FIBCD1: variants seen among roughly 807,000 people sequenced by gnomAD.
FIBCD1 encodes the protein fibrinogen C domain-containing protein 1.
In FIBCD1, 47 loss-of-function variants were observed where a neutral mutation model predicts 45.1. The observed-to-expected ratio is 1.04, with a 90% CI of 0.82 to 1.33. The LOEUF (loss-of-function observed/expected upper bound fraction) is 1.33. Among genes scored for constraint, FIBCD1 ranks in the 40% most tolerant of loss-of-function variants. The pLI is 0.00. For synonymous variants in FIBCD1, 313 were observed against 308.1 expected (o/e 1.02, Z -0.17); for missense variants, 653 against 682.2 (o/e 0.96, Z 0.48).
At chr9:130,914,426 T>C (rs1029802500) in intron 4 of FIBCD1, among the ~76,000 whole-genome samples, 3 of 151,692 alleles carry the variant, frequency 2.0e-5, no homozygotes, top group Admixed American at 6.6e-5. Flanking sequence ...GACTTGGAGG[T>C]TGGGGAGAGA....
At chr9:130,913,299 G>A (rs549297372) in intron 4 of FIBCD1, among the ~76,000 whole-genome samples, 5 of 146,776 alleles carry the variant, frequency 3.4e-5, no homozygotes, top group East Asian at 2.2e-4. Context: ...GGCAGCGCCC[G>A]CGGCCCGGCC....
chr9:130,911,294 C>T (rs10122496), intron 5 of FIBCD1, among the ~76,000 whole-genome samples: 24,591 of 150,368 alleles, frequency 0.16, 3,829 homozygotes, highest in African/African-American at 0.41. Flanking sequence ...TAACACTCAC[C>T]ACGAGGGTCT....
In FIBCD1 at chr9:130,930,065, C is replaced by T. The variant is rs549657514; in HGVS notation, c.73-19G>A. On this transcript the variant is annotated intron_variant, in intron 1 of 6. Transcript: ENST00000372338. ...TCGGCCGCTGCAGGCCCGCCCGGGACGCACAGACACAGACAGACAGACGGG... is the reference window on the plus strand; with the variant it reads ...TCGGCCGCTGCAGGCCCGCCCGGGATGCACAGACACAGACAGACAGACGGG... The T allele has an allele frequency of 1.7e-5, 25 of 1,498,250 alleles. No homozygotes were observed. Among genetic ancestry groups the T allele is most frequent in the African/African-American group, 8.3e-5 (6 of 72,088 alleles). The allele number at this position is 1,498,250 out of a possible 1,614,324, so 92.8% of individuals were successfully genotyped here.
intron 4 of FIBCD1, among the ~76,000 whole-genome samples, chr9:130,921,408 C>A (rs1285924000): frequency 6.6e-6 from 1 of 152,238 alleles, no homozygotes; most frequent in Non-Finnish European, 1.5e-5. Context: ...GAAAAGATTG[C>A]TTCTGATGGA....
rs868286516 is a variant in FIBCD1 at position 130,938,871 on chromosome 9, C to G, written c.-264G>C. On this transcript the variant is annotated 5_prime_UTR_variant, in exon 1 of 7. Coordinates refer to ENST00000372338, the MANE Select transcript of FIBCD1 (RefSeq NM_032843.5). ...TGCGCGCCGTCCCCGCTCCCGGCTCCGGCGCCTCCCCGGCGCGCTCCTCTC... is the reference window on the plus strand; with the variant it reads ...TGCGCGCCGTCCCCGCTCCCGGCTCGGGCGCCTCCCCGGCGCGCTCCTCTC... The G allele has an allele frequency of 6.5e-6, 1 of 153,872 alleles. No homozygotes were observed. The highest frequency in any genetic ancestry group is 6.5e-5 in the Admixed American group (1 of 15,338). 9.5% of individuals were successfully genotyped at this position (153,872 alleles called of 1,614,324 possible). A position where few individuals can be genotyped will look rare whatever the true frequency, so the allele number is the denominator to read the frequency against.
intron 4 of FIBCD1, 37 bp downstream of exon 4, chr9:130,923,707 T>C: frequency 6.2e-7 from 1 of 1,606,092 alleles, no homozygotes; most frequent in Non-Finnish European, 8.5e-7. Flanking sequence ...CGGTCCCCGG[T>C]GCCTGCCCTG....
At chr9:130,920,091 AG>A (rs1832234673) in intron 4 of FIBCD1, among the ~76,000 whole-genome samples, 1 of 151,436 alleles carries the variant, frequency 6.6e-6, no homozygotes, top group Non-Finnish European at 1.5e-5. Context: ...GGCAGGCAAG[AG>A]GGCCGCCCCA....
chr9:130,937,697 C>G (rs568588412), intron 1 of FIBCD1, among the ~76,000 whole-genome samples: 7 of 152,354 alleles, frequency 4.6e-5, no homozygotes, highest in African/African-American at 1.7e-4. Flanking sequence ...TTTTCGCCTG[C>G]CTGCCCCAGT....
chr9:130,906,920 G>C (rs755771047), intron 5 of FIBCD1, among the ~76,000 whole-genome samples: 41 of 152,316 alleles, frequency 2.7e-4, no homozygotes, highest in Admixed American at 3.9e-4. Flanking sequence ...AGGCCCCGGG[G>C]AAGGAGTGCC....
intron 4 of FIBCD1, among the ~76,000 whole-genome samples, chr9:130,923,127 G>C (rs779104692): frequency 1.3e-4 from 20 of 152,214 alleles, no homozygotes; most frequent in Admixed American, 4.6e-4. Flanking sequence ...GCCTTAAAGA[G>C]CCAGTCCTCC....
chr9:130,911,825 C>A lies in FIBCD1; in HGVS notation c.913G>T (p.Gly305Cys). 1 of 1,604,640 alleles carries A rather than the reference C, an allele frequency of 6.2e-7. No homozygotes were observed. Among genetic ancestry groups the A allele is most frequent in the Non-Finnish European group, 8.5e-7 (1 of 1,176,410 alleles). The change falls in exon 5 of 7, where the codon GGC (glycine) becomes TGC (cysteine). Residue 305 changes from glycine (G) to cysteine (C), a missense_variant. Coordinates refer to ENST00000372338, the MANE Select transcript of FIBCD1 (RefSeq NM_032843.5). ...TGCTCCCCGGTGAGCCTGCCAAAGCCGTCTCGGTACGCATCCCAGCCCCGG... is the reference window on the plus strand; with the variant it reads ...TGCTCCCCGGTGAGCCTGCCAAAGCAGTCTCGGTACGCATCCCAGCCCCGG... ...FFRGWDAYRD[G>C]FGRLTGEHWL...
chr9:130,912,241 A>C (rs2133079870), intron 4 of FIBCD1, among the ~76,000 whole-genome samples: 1 of 152,050 alleles, frequency 6.6e-6, no homozygotes, highest in Admixed American at 6.5e-5. Context: ...CCCCATCTTT[A>C]CAAAAAATTT....
At chr9:130,924,888 A>G (rs2133108365) in intron 2 of FIBCD1, among the ~76,000 whole-genome samples, 1 of 152,252 alleles carries the variant, frequency 6.6e-6, no homozygotes, top group South Asian at 2.1e-4. Flanking sequence ...GTGACAACAC[A>G]TGGGAGGTGC....
chr9:130,912,715 AAG>A (rs890832592), intron 4 of FIBCD1, among the ~76,000 whole-genome samples: 12 of 146,504 alleles, frequency 8.2e-5, no homozygotes, highest in Admixed American at 2.0e-4. Flanking sequence ...AAAAAAAAAA[AAG>A]GGAATCTCGG....
intron 2 of FIBCD1, among the ~76,000 whole-genome samples, chr9:130,928,680 G>C (rs891355026): frequency 6.6e-6 from 1 of 152,098 alleles, no homozygotes; most frequent in Non-Finnish European, 1.5e-5. Flanking sequence ...GGGCTTGGGC[G>C]CCCGTGGGGG....
chr9:130,933,723 C>T (rs183807431), intron 1 of FIBCD1: 1 of 3,034 alleles, frequency 3.3e-4, no homozygotes, highest in East Asian at 0.013. Context: ...AAGCGGCGGG[C>T]GGGTGGGGGG....
intron 5 of FIBCD1, among the ~76,000 whole-genome samples, chr9:130,906,427 C>T (rs1320387645): frequency 6.6e-6 from 1 of 152,220 alleles, no homozygotes; most frequent in East Asian, 1.9e-4. Flanking sequence ...CGGATCCTCC[C>T]CCATCCCGCC....
intron 4 of FIBCD1, among the ~76,000 whole-genome samples, chr9:130,914,885 C>T (rs543091210): frequency 1.3e-5 from 2 of 152,344 alleles, no homozygotes; most frequent in South Asian, 2.1e-4. Context: ...TCGGGGGCTG[C>T]GTGCTCTCTG....
intron 6 of FIBCD1, among the ~76,000 whole-genome samples, chr9:130,904,593 C>T (rs1831894090): frequency 6.6e-6 from 1 of 151,420 alleles, no homozygotes; most frequent in African/African-American, 2.4e-5. Flanking sequence ...TCCCTCCCCC[C>T]AGCTTTTCCA....
Sources: allele counts gnomAD v4.1 joint callset (sites outside exome capture counted in the v4.1 genomes callset), GRCh38; gene constraint gnomAD v4.1.1; transcripts MANE v1.5; gene names NCBI Gene and HGNC (gene_info 2026-07-23, HGNC 2026-07-21).